SIPA1L1: variants seen among roughly 807,000 people sequenced by gnomAD.
SIPA1L1 encodes signal-induced proliferation-associated 1-like protein 1.
A neutral mutation model predicts 162.7 loss-of-function variants in SIPA1L1; 26 were observed. That is an observed-to-expected ratio of 0.16 (90% confidence interval 0.12 to 0.22). The LOEUF (loss-of-function observed/expected upper bound fraction) is 0.22, where lower values mean the gene tolerates loss of function less well. SIPA1L1 is among the 10% of genes least tolerant of loss of function. The pLI is 1.00. For missense variants in SIPA1L1, 1,874 were observed against 2,241.0 expected (o/e 0.84, Z 3.31); for synonymous variants, 829 against 837.4 (o/e 0.99, Z 0.17).
intron 2 of SIPA1L1, among the ~76,000 whole-genome samples, chr14:71,428,242 C>A (rs1051961743): frequency 1.3e-5 from 2 of 151,946 alleles, no homozygotes; most frequent in African/African-American, 2.4e-5. Context: ...GTGATTCCCC[C>A]CACCTCAGCC....
At chr14:71,731,057 G>A (rs1272607679) in intron 20 of SIPA1L1, among the ~76,000 whole-genome samples, 1 of 152,146 alleles carries the variant, frequency 6.6e-6, no homozygotes, top group Non-Finnish European at 1.5e-5. Flanking sequence ...TGGATGCACT[G>A]CTGTCACCCT....
intron 2 of SIPA1L1, among the ~76,000 whole-genome samples, chr14:71,479,375 G>GTA (rs1266385412): frequency 1.8e-4 from 13 of 72,984 alleles, no homozygotes; most frequent in South Asian, 1.5e-3. Flanking sequence ...GTATGTATGT[G>GTA]TGTATATATG....
rs1323704739 is a variant in SIPA1L1, at chr14:71,741,185, T to C, written c.*2024T>C. 1 of 152,228 alleles carries C rather than the reference T, an allele frequency of 6.6e-6. No homozygotes were observed. The highest frequency in any genetic ancestry group is 1.5e-5 in the Non-Finnish European group (1 of 68,034). 9.4% of individuals were successfully genotyped at this position (152,228 alleles called of 1,614,324 possible). A position where few individuals can be genotyped will look rare whatever the true frequency, so the allele number is the denominator to read the frequency against. ...GAAAATTTCTGTCCTTCTCAGAATG[T>C]TAATAAACTTTTTTACTCTGTCCAC... On this transcript the variant is annotated 3_prime_UTR_variant, in exon 24 of 24. Coordinates refer to ENST00000381232, the MANE Select transcript of SIPA1L1 (RefSeq NM_001386936.1).
At chr14:71,509,995 G>A (rs1417310477) in intron 2 of SIPA1L1, among the ~76,000 whole-genome samples, 1 of 151,958 alleles carries the variant, frequency 6.6e-6, no homozygotes, top group South Asian at 2.1e-4. Flanking sequence ...GTTTCAACTT[G>A]ACACAAGTGC....
intron 12 of SIPA1L1, among the ~76,000 whole-genome samples, chr14:71,675,697 G>A (rs1241164965): frequency 6.6e-6 from 1 of 151,958 alleles, no homozygotes; most frequent in Non-Finnish European, 1.5e-5. Flanking sequence ...TTGTCAGCTG[G>A]GACTTCACCA....
rs187951432 is a variant in SIPA1L1, at chr14:71,345,330, C to T, written c.-465+24149C>T. Among the ~76,000 whole-genome samples, 25 of 152,202 alleles carry T rather than the reference C, an allele frequency of 1.6e-4. No individual in the cohort carries two copies. The East Asian group carries it at 4.3e-3, about 26-fold the overall frequency. ...TATTCAGTCATCAGACAGTTGTTGA[C>T]GCTTTCCTATATGCAGTGCACTGTG... On this transcript the variant is annotated intron_variant, in intron 2 of 23. Coordinates refer to ENST00000381232, the MANE Select transcript of SIPA1L1 (RefSeq NM_001386936.1).
At chr14:71,470,638 C>T (rs2047377926) in intron 2 of SIPA1L1, among the ~76,000 whole-genome samples, 1 of 152,100 alleles carries the variant, frequency 6.6e-6, no homozygotes, top group Admixed American at 6.5e-5. Flanking sequence ...TCTGGGTTCT[C>T]ATCATCTGGG....
intron 2 of SIPA1L1, among the ~76,000 whole-genome samples, chr14:71,504,206 C>A (rs2050471819): frequency 6.6e-6 from 1 of 152,022 alleles, no homozygotes; most frequent in Admixed American, 6.6e-5. Context: ...ATGCTGTTTT[C>A]ATTATCCTTT....
At chr14:71,407,413 C>CCTTT (rs1279167936) in intron 2 of SIPA1L1, among the ~76,000 whole-genome samples, 2 of 149,058 alleles carry the variant, frequency 1.3e-5, no homozygotes, top group Non-Finnish European at 3.0e-5. Flanking sequence ...CTTTCTCTTT[C>CCTTT]CCTTCCTTCC....
At chr14:71,465,809 G>A (rs1317910062) in intron 2 of SIPA1L1, among the ~76,000 whole-genome samples, 1 of 152,164 alleles carries the variant, frequency 6.6e-6, no homozygotes, top group Non-Finnish European at 1.5e-5. Flanking sequence ...AGCTTGAGGA[G>A]CAAGGAGAGC....
chr14:71,443,033 A>G (rs1352414981), intron 2 of SIPA1L1, among the ~76,000 whole-genome samples: 1 of 152,232 alleles, frequency 6.6e-6, no homozygotes, highest in Non-Finnish European at 1.5e-5. Context: ...CATGTTGCAC[A>G]TTGAGATGGT....
At chr14:71,560,711 G>C (rs1480720990) in intron 4 of SIPA1L1, among the ~76,000 whole-genome samples, 1 of 152,200 alleles carries the variant, frequency 6.6e-6, no homozygotes, top group Non-Finnish European at 1.5e-5. Context: ...AGAATCTGTT[G>C]TTAGTAAAGA....
intron 13 of SIPA1L1, among the ~76,000 whole-genome samples, chr14:71,693,138 T>C (rs1227421741): frequency 6.6e-6 from 1 of 152,220 alleles, no homozygotes; most frequent in Admixed American, 6.5e-5. Context: ...TCCTATTGGT[T>C]GAGCATCCCA....
At chr14:71,713,389 G>A (rs1257744354) in intron 17 of SIPA1L1, among the ~76,000 whole-genome samples, 1 of 152,210 alleles carries the variant, frequency 6.6e-6, no homozygotes, top group East Asian at 1.9e-4. Context: ...TCTTTGTGTA[G>A]CATGAAGTCT....
chr14:71,738,161 T>TG, intron 22 of SIPA1L1, 80 bp from the exon 23 acceptor site: 1 of 365,742 alleles, frequency 2.7e-6, no homozygotes, highest in Non-Finnish European at 4.6e-6. Flanking sequence ...CTCCTCAGAG[T>TG]AAAAAAAAAA....
chr14:71,700,853 G>A (rs1220057540), intron 14 of SIPA1L1, among the ~76,000 whole-genome samples: 2 of 151,836 alleles, frequency 1.3e-5, no homozygotes, highest in Non-Finnish European at 2.9e-5. Flanking sequence ...AATTAGCTGG[G>A]TGTGGTGGCG....
intron 2 of SIPA1L1, among the ~76,000 whole-genome samples, chr14:71,341,794 C>T (rs143551808): frequency 1.5e-3 from 235 of 152,244 alleles, no homozygotes; most frequent in Non-Finnish European, 2.5e-3. Flanking sequence ...CTTAGAATAA[C>T]GGCCTCCAGC....
At chr14:71,331,359 A>G (rs1290328178) in intron 2 of SIPA1L1, among the ~76,000 whole-genome samples, 1 of 152,280 alleles carries the variant, frequency 6.6e-6, no homozygotes, top group African/African-American at 2.4e-5. Flanking sequence ...TAGATATTGA[A>G]TAATAAAGAA....
At chr14:71,547,324 T>C (rs1414400585) in intron 4 of SIPA1L1, among the ~76,000 whole-genome samples, 4 of 135,964 alleles carry the variant, frequency 2.9e-5, no homozygotes, top group Non-Finnish European at 4.6e-5. Context: ...TGAGATGGAG[T>C]CTCGCTCTGT....
Sources: gnomAD v4.1 joint callset for allele counts (sites outside exome capture counted in the v4.1 genomes callset) on GRCh38, gnomAD v4.1.1 for gene constraint, MANE v1.5 for transcripts, NCBI Gene and HGNC (gene_info 2026-07-23, HGNC 2026-07-21) for gene names.